The following ARL17B variants were observed in gnomAD, a reference collection of about 807,000 sequenced individuals.
ARL17B encodes ADP-ribosylation factor-like protein 17.
exon 5 of ARL17B, chr17:46,274,986 G>A (rs2696540): frequency 0.11 from 16,395 of 146,660 alleles, 1 homozygote; most frequent in Middle Eastern, 0.19. Context: ...TCTGCCTCCC[G>A]GGTTCCAGCG....
chr17:46,279,959 G>A (rs1259804753), intron 4 of ARL17B, among the ~76,000 whole-genome samples: 3 of 152,200 alleles, frequency 2.0e-5, no homozygotes, highest in Admixed American at 6.6e-5. Flanking sequence ...TCTGGGGAGT[G>A]CTCCATTCTC....
chr17:46,278,059 C>T (rs1276800788), intron 4 of ARL17B, among the ~76,000 whole-genome samples: 1 of 152,178 alleles, frequency 6.6e-6, no homozygotes, highest in Non-Finnish European at 1.5e-5. Flanking sequence ...GATTCTTCTG[C>T]CTCAGCCTCC....
Position 46,276,807 on chromosome 17 carries a change from T to C in ARL17B, c.*22-1389A>G, listed in dbSNP as rs201214239. On this transcript the variant is annotated intron_variant, in intron 4 of 4. Transcript: ENST00000570618. ...CTTTTTTTCTTTTTTTTTTTTTTTTTGATTTGTTTGTTTTGAGACAGGGTC... is the reference window on the plus strand; with the variant it reads ...CTTTTTTTCTTTTTTTTTTTTTTTTCGATTTGTTTGTTTTGAGACAGGGTC... Among the ~76,000 whole-genome samples the C allele has an allele frequency of 2.9e-3, 428 of 149,674 alleles. 3 individuals are homozygous for C. The highest frequency in any genetic ancestry group is 0.016 in the East Asian group (80 of 5,114).
intron 3 of ARL17B, among the ~76,000 whole-genome samples, chr17:46,327,093 G>A (rs1377543788): frequency 1.2e-5 from 1 of 86,554 alleles, no homozygotes. Flanking sequence ...CATTTTTTAA[G>A]AGTCAAAGAT....
intron 4 of ARL17B, among the ~76,000 whole-genome samples, chr17:46,291,969 C>CAAAAAAAA (rs59554870): frequency 1.2e-3 from 67 of 58,056 alleles, no homozygotes; most frequent in Non-Finnish European, 1.5e-3. Flanking sequence ...TCTCAAAAAG[C>CAAAAAAAA]AAAAAAAAAA....
At chr17:46,280,629 A>T (rs2049737969) in intron 4 of ARL17B, among the ~76,000 whole-genome samples, 1 of 127,896 alleles carries the variant, frequency 7.8e-6, no homozygotes. Flanking sequence ...GCTGGAGTGC[A>T]GTGGTGTGAT....
At chr17:46,330,671 C>T, downstream of ARL17B, 1 of 290,708 alleles carries the variant, frequency 3.4e-6, no homozygotes, top group Non-Finnish European at 6.6e-6. Context: ...AGCGGTAAAC[C>T]TAGATGTGAA....
chr17:46,278,756 C>T (rs2049670799), intron 4 of ARL17B, among the ~76,000 whole-genome samples: 1 of 152,136 alleles, frequency 6.6e-6, no homozygotes. Flanking sequence ...CATGCTTTGT[C>T]TGTAGGCTGA....
At chr17:46,280,200 C>T (rs1358052671) in intron 4 of ARL17B, among the ~76,000 whole-genome samples, 1 of 152,186 alleles carries the variant, frequency 6.6e-6, no homozygotes, top group Non-Finnish European at 1.5e-5. Flanking sequence ...CCCATCCCTA[C>T]TAAAAACACA....
chr17:46,277,459 A>T (rs1461271888), intron 4 of ARL17B, among the ~76,000 whole-genome samples: 1 of 152,196 alleles, frequency 6.6e-6, no homozygotes, highest in Admixed American at 6.5e-5. Flanking sequence ...CAATTTAAAA[A>T]AGCAATTTTA....
intron 3 of ARL17B, among the ~76,000 whole-genome samples, chr17:46,348,924 AAATG>A (rs2144252639): frequency 6.7e-6 from 1 of 150,080 alleles, no homozygotes; most frequent in Admixed American, 6.6e-5. Flanking sequence ...TTTAGCTAAT[AAATG>A]CAGAGGAATA....
At chr17:46,276,865 A>G (rs2668629) in intron 4 of ARL17B, among the ~76,000 whole-genome samples, 21,658 of 147,270 alleles carry the variant, frequency 0.15, 1,920 homozygotes, top group Middle Eastern at 0.22. Context: ...GTGCAGTGGC[A>G]CAATCATGGC....
At chr17:46,317,088 G>T (rs1208000612) in intron 3 of ARL17B, among the ~76,000 whole-genome samples, 5 of 83,974 alleles carry the variant, frequency 6.0e-5, no homozygotes, top group African/African-American at 1.5e-4. Context: ...CAACAAAACC[G>T]CCATTGTCAT....
chr17:46,286,689 A>G (rs1479794936), intron 4 of ARL17B, among the ~76,000 whole-genome samples: 1 of 152,284 alleles, frequency 6.6e-6, no homozygotes, highest in Non-Finnish European at 1.5e-5. Flanking sequence ...ATGTAAGTGT[A>G]TAACAAATGT....
At chr17:46,280,799 G>A (rs1276034210) in intron 4 of ARL17B, among the ~76,000 whole-genome samples, 1 of 152,150 alleles carries the variant, frequency 6.6e-6, no homozygotes, top group African/African-American at 2.4e-5. Context: ...GTCTCGAAAT[G>A]CTGACCTCAA....
At chr17:46,286,900 T>G (rs1316011299) in intron 4 of ARL17B, among the ~76,000 whole-genome samples, 3 of 152,228 alleles carry the variant, frequency 2.0e-5, no homozygotes, top group Non-Finnish European at 4.4e-5. Context: ...CTTAGCCTCC[T>G]TTTCTGCGAT....
intron 4 of ARL17B, among the ~76,000 whole-genome samples, chr17:46,284,051 C>A (rs1157577130): frequency 6.6e-6 from 1 of 152,056 alleles, no homozygotes; most frequent in Non-Finnish European, 1.5e-5. Flanking sequence ...GGGTTTTATA[C>A]CGAGACATTC....
At chr17:46,340,668 G>T in intron 3 of ARL17B, among the ~76,000 whole-genome samples, 1 of 71,184 alleles carries the variant, frequency 1.4e-5, no homozygotes, top group African/African-American at 4.5e-5. Flanking sequence ...TCAGCCTCCC[G>T]AATAGCTGGG....
At chr17:46,291,985 A>ACAAAAAAAAC (rs1555613423) in intron 4 of ARL17B, among the ~76,000 whole-genome samples, 1 of 76,592 alleles carries the variant, frequency 1.3e-5, no homozygotes, top group Non-Finnish European at 2.8e-5. Flanking sequence ...AAAAAAAAAA[A>ACAAAAAAAAC]AAGCCAATAA....
Sources: gnomAD v4.1 joint callset for allele counts (sites outside exome capture counted in the v4.1 genomes callset) on GRCh38, gnomAD v4.1.1 for gene constraint, MANE v1.5 for transcripts, NCBI Gene and HGNC (gene_info 2026-07-23, HGNC 2026-07-21) for gene names.